MYOM1: variants seen among roughly 807,000 people sequenced by gnomAD.
MYOM1 encodes the protein myomesin 1, also known as myomesin-1.
Under a neutral mutation model 205.3 loss-of-function variants are expected in MYOM1, and 164 were observed. The observed-to-expected ratio is 0.80, with a 90% CI of 0.70 to 0.91. MYOM1 has a LOEUF of 0.91. Among genes scored for constraint, MYOM1 ranks in the 40% least tolerant of loss-of-function variants. The pLI is 0.00. For missense variants in MYOM1, 2,011 were observed against 2,127.3 expected, an observed-to-expected ratio of 0.95 and a Z score of 1.08; for synonymous variants, 772 against 789.4, an observed-to-expected ratio of 0.98 and a Z score of 0.37.
At chr18:3,177,907 C>G (rs1204822616) in intron 5 of MYOM1, among the ~76,000 whole-genome samples, 1 of 152,164 alleles carries the variant, frequency 6.6e-6, no homozygotes, top group Non-Finnish European at 1.5e-5. Context: ...GAGCTGAAAG[C>G]CTCCCTTTTT....
At position 3,070,959 on chromosome 18, in the gene MYOM1, G is replaced by A. The variant is rs533013517; in HGVS notation, c.4764+875C>T. Among the ~76,000 whole-genome samples, 4 of 151,920 alleles carry A rather than the reference G, an allele frequency of 2.6e-5. No individual in the cohort carries two copies. In the East Asian group the frequency reaches 7.8e-4, roughly 30 times the overall value. On this transcript the variant is annotated intron_variant, in intron 37 of 37. Transcript: ENST00000356443. ...TTTTTTGTAGAGATGGGGTTTCGTC[G>A]TGTTGCCCAGGCTGGTCTCAAACTC... is the stretch of plus-strand genomic sequence containing the variant.
the MYOM1 span, among the ~76,000 whole-genome samples, chr18:3,240,908 G>A: frequency 2.5e-4 from 38 of 152,334 alleles, no homozygotes; most frequent in East Asian, 7.3e-3. Context: ...CTCTTGCTAT[G>A]TTTTAGCAAA....
At chr18:3,094,779 C>T (rs748365665) in intron 25 of MYOM1, among the ~76,000 whole-genome samples, 8 of 151,860 alleles carry the variant, frequency 5.3e-5, no homozygotes, top group African/African-American at 7.3e-5. Flanking sequence ...CTCTCACCTC[C>T]GCCTCCTGAG....
chr18:3,145,379 A>C (rs2080110616), intron 13 of MYOM1, among the ~76,000 whole-genome samples: 1 of 152,112 alleles, frequency 6.6e-6, no homozygotes, highest in South Asian at 2.1e-4. Context: ...CTTTTTCTGG[A>C]CCATAAAACA....
chr18:3,134,954 G>T lies in MYOM1; in HGVS notation c.2210-130C>A, dbSNP rs759052109. On this transcript the variant is annotated intron_variant, in intron 15 of 37. Transcript: ENST00000356443. ...CAAAAGAACAGCTGCTTTATTTTACGATTTTTTTTTTTGAGACTGAGTCTC... is the reference window on the plus strand; with the variant it reads ...CAAAAGAACAGCTGCTTTATTTTACTATTTTTTTTTTTGAGACTGAGTCTC... The T allele has an allele frequency of 1.3e-5, 10 of 771,988 alleles. No individual in the cohort carries two copies. The East Asian group carries it at 3.0e-4, about 23-fold the overall frequency. 47.8% of individuals were successfully genotyped at this position (771,988 alleles called of 1,614,324 possible).
chr18:3,104,542 T>G (rs2079424970), intron 22 of MYOM1, among the ~76,000 whole-genome samples: 1 of 152,138 alleles, frequency 6.6e-6, no homozygotes, highest in Admixed American at 6.5e-5. Flanking sequence ...GAAAACAAAA[T>G]AGCCACAAAA....
chr18:3,197,855 A>G (rs943411620), intron 2 of MYOM1, among the ~76,000 whole-genome samples: 12 of 152,118 alleles, frequency 7.9e-5, no homozygotes, highest in Admixed American at 6.5e-4. Context: ...CCTGGGTGAC[A>G]GAGCGAGACT....
At chr18:3,160,619 A>C (rs138953654) in intron 10 of MYOM1, among the ~76,000 whole-genome samples, 1 of 152,282 alleles carries the variant, frequency 6.6e-6, no homozygotes, top group East Asian at 1.9e-4. Flanking sequence ...GCTTTAAAAA[A>C]CCTAATATAT....
Position 3,074,336 on chromosome 18 carries a change from T to A in MYOM1, c.4708+1118A>T, listed in dbSNP as rs148601630. Among the ~76,000 whole-genome samples, 540 of 152,214 alleles carry A rather than the reference T, an allele frequency of 3.5e-3. 1 individual carries two copies. The highest frequency in any genetic ancestry group is 6.1e-3 in the Non-Finnish European group (415 of 68,004). On this transcript the variant is annotated intron_variant, in intron 36 of 37. Coordinates refer to ENST00000356443, the MANE Select transcript of MYOM1 (RefSeq NM_003803.4). ...GAGGGGAGCAGTGCAAGTTTCAGGT[T>A]CAAAGTTCAAAGTTGCACCCAGAGG... is the stretch of plus-strand genomic sequence containing the variant.
intron 5 of MYOM1, among the ~76,000 whole-genome samples, chr18:3,183,022 C>T (rs1229830787): frequency 6.6e-6 from 1 of 150,960 alleles, no homozygotes; most frequent in Non-Finnish European, 1.5e-5. Context: ...CTCCGCCTTC[C>T]GCGTTCCATC....
At chr18:3,243,049 A>G in the MYOM1 span, among the ~76,000 whole-genome samples, 6 of 152,116 alleles carry the variant, frequency 3.9e-5, no homozygotes, top group East Asian at 1.9e-4. Context: ...TTTTTATCTC[A>G]TTTATCATCC....
chr18:3,185,056 G>A (rs1405005493), intron 5 of MYOM1, among the ~76,000 whole-genome samples: 1 of 152,180 alleles, frequency 6.6e-6, no homozygotes, highest in Non-Finnish European at 1.5e-5. Context: ...GAATTTGAAG[G>A]GTTGACAGTT....
chr18:3,221,179 TA>T (rs1158411564), upstream of MYOM1, among the ~76,000 whole-genome samples: 1 of 151,854 alleles, frequency 6.6e-6, no homozygotes, highest in Non-Finnish European at 1.5e-5. Context: ...CACACTCGGC[TA>T]ATTTTTTTTT....
At chr18:3,108,598 C>T (rs941076912) in intron 22 of MYOM1, among the ~76,000 whole-genome samples, 1 of 151,394 alleles carries the variant, frequency 6.6e-6, no homozygotes, top group Non-Finnish European at 1.5e-5. Context: ...GGCTGGAGTG[C>T]AGTGGCGTGA....
the MYOM1 span, among the ~76,000 whole-genome samples, chr18:3,232,573 A>C: frequency 6.6e-6 from 1 of 152,052 alleles, no homozygotes; most frequent in Non-Finnish European, 1.5e-5. Flanking sequence ...CATGTATTAA[A>C]ATTTGTCACT....
At chr18:3,197,281 C>T (rs1056014917) in intron 2 of MYOM1, among the ~76,000 whole-genome samples, 3 of 151,912 alleles carry the variant, frequency 2.0e-5, no homozygotes, top group Non-Finnish European at 4.4e-5. Flanking sequence ...GGATTACAGG[C>T]GCACGCCACC....
chr18:3,127,305 A>ATATATATATATTTTTTT (rs56880961), intron 18 of MYOM1, among the ~76,000 whole-genome samples: 5 of 47,568 alleles, frequency 1.1e-4, no homozygotes, highest in East Asian at 6.4e-4. Flanking sequence ...ATATATATAT[A>ATATATATATATTTTTTT]TTTTTTTTTT....
At chr18:3,112,486 G>T in intron 21 of MYOM1, 74 bp from the exon 22 acceptor site, 1 of 1,140,948 alleles carries the variant, frequency 8.8e-7, no homozygotes, top group Non-Finnish European at 1.2e-6. Flanking sequence ...AAACAGACGG[G>T]GCTCTTCCTC....
At chr18:3,118,352 C>CT (rs59395290) in intron 20 of MYOM1, among the ~76,000 whole-genome samples, 107,822 of 151,248 alleles carry the variant, frequency 0.71, 38,409 homozygotes, top group African/African-American at 0.74. Context: ...AACTGCATCA[C>CT]TTTTTTTTAA....
Sources: gnomAD v4.1 joint callset for allele counts (sites outside exome capture counted in the v4.1 genomes callset) on GRCh38, gnomAD v4.1.1 for gene constraint, MANE v1.5 for transcripts, NCBI Gene and HGNC (gene_info 2026-07-23, HGNC 2026-07-21) for gene names.